The following SDAD1 variants were observed in gnomAD, a reference collection of about 807,000 sequenced individuals.
SDAD1 encodes SDA1 domain containing 1.
A neutral mutation model predicts 100.3 loss-of-function variants in SDAD1; 79 were observed. That is an observed-to-expected ratio of 0.79 (90% confidence interval 0.66 to 0.95). The LOEUF (loss-of-function observed/expected upper bound fraction) is 0.95. SDAD1 is among the 40% of genes least tolerant of loss of function. SDAD1 has a pLI of 0.00. For missense variants in SDAD1, 790 were observed against 810.9 expected (o/e 0.97, Z 0.31); for synonymous variants, 267 against 271.4 (o/e 0.98, Z 0.16).
In SDAD1 at chr4:75,979,943, G is replaced by A. The variant is rs928306769; in HGVS notation, c.294+1429C>T. Reference sequence around the variant, plus strand: ...CTCAGCCTCAAACTCCTGACCTCAAGCAATCCTCCTGCCTCAGCCTCCCAA... The same window carrying A: ...CTCAGCCTCAAACTCCTGACCTCAAACAATCCTCCTGCCTCAGCCTCCCAA... On this transcript the variant is annotated intron_variant, in intron 3 of 21. Coordinates refer to ENST00000356260, the MANE Select transcript of SDAD1 (RefSeq NM_018115.4). 2.0e-5 allele frequency among the ~76,000 whole-genome samples: 3 copies of A among 152,094 alleles called. No homozygotes were observed. The East Asian group carries it at 5.8e-4, about 29-fold the overall frequency.
intron 18 of SDAD1, 39 bp from the exon 19 acceptor site, chr4:75,957,747 A>G (rs751786256): frequency 9.3e-6 from 15 of 1,612,626 alleles, no homozygotes; most frequent in Non-Finnish European, 1.3e-5. Context: ...TACCAGCTCA[A>G]GTGAGAGCTC....
intron 20 of SDAD1, 22 bp from the exon 21 acceptor site, chr4:75,956,158 T>C: frequency 6.3e-7 from 1 of 1,584,606 alleles, no homozygotes; most frequent in African/African-American, 1.4e-5. Flanking sequence ...AAAAGTTTGA[T>C]ATTTCTTCTT....
chr4:75,957,265 G>T, intron 20 of SDAD1, 60 bp downstream of exon 20: 2 of 1,423,088 alleles, frequency 1.4e-6, no homozygotes, highest in Non-Finnish European at 2.0e-6. Context: ...ACAAGTTCTG[G>T]CTTATGTTTC....
chr4:75,952,930 CTTT>C (rs1244051820), intron 21 of SDAD1, among the ~76,000 whole-genome samples: 2 of 152,102 alleles, frequency 1.3e-5, no homozygotes, highest in Non-Finnish European at 2.9e-5. Context: ...ACAATTTCCT[CTTT>C]TTTTACTTGT....
chr4:75,964,166 C>T lies in SDAD1; in HGVS notation c.1150G>A (p.Asp384Asn), dbSNP rs747449985. The T allele has an allele frequency of 1.7e-5, 27 of 1,608,714 alleles. No homozygotes were observed. In the African/African-American group the frequency reaches 2.1e-4, roughly 13 times the overall value. ...GTCATGACTTCTCCAGAGTTCTTGT[C>T]GGTAACAAAATTGTTTGCCACAGTC... ...LMTVANNFVTDKNSGEVMTVG... is the reference protein window; with the variant it reads ...LMTVANNFVTNKNSGEVMTVG... Residue 384 changes from aspartate to asparagine, a missense_variant, in exon 14 of 22, where the codon GAC becomes AAC. Physicochemically the swap from Asp to Asn is conservative, Grantham distance 23 (BLOSUM62 1). Transcript: ENST00000356260.
chr4:75,959,097 CAAAAAA>C (rs61245198), intron 17 of SDAD1, among the ~76,000 whole-genome samples: 19 of 54,986 alleles, frequency 3.5e-4, no homozygotes, highest in African/African-American at 4.1e-4. Flanking sequence ...GACTCTGTCT[CAAAAAA>C]AAAAAAAAAA....
chr4:75,967,155 C>T, intron 12 of SDAD1, 122 bp downstream of exon 12: 1 of 848,046 alleles, frequency 1.2e-6, no homozygotes, highest in Non-Finnish European at 1.9e-6. Context: ...ACAAGGGCTT[C>T]TCTTCACATC....
At chr4:75,973,478 T>C in intron 7 of SDAD1, 87 bp from the exon 8 acceptor site, 2 of 892,982 alleles carry the variant, frequency 2.2e-6, no homozygotes, top group Non-Finnish European at 3.6e-6. Context: ...TACATGTGCA[T>C]GAACTAAGAT....
chr4:75,950,921 T>C, intron 21 of SDAD1, 124 bp from the exon 22 acceptor site: 1 of 574,362 alleles, frequency 1.7e-6, no homozygotes. Flanking sequence ...AAACTATAAA[T>C]GATAAAATAT....
intron 4 of SDAD1, among the ~76,000 whole-genome samples, chr4:75,976,920 A>C (rs899840103): frequency 6.6e-6 from 1 of 152,164 alleles, no homozygotes; most frequent in African/African-American, 2.4e-5. Flanking sequence ...TTTGAAAAAA[A>C]TTTTAAATTA....
At position 75,950,511 on chromosome 4, in the gene SDAD1, C is replaced by CTT. The variant is rs1023481831; in HGVS notation, c.*237_*238dup. The CTT allele has an allele frequency of 2.3e-6, 1 of 441,426 alleles. No homozygotes were observed. The highest frequency in any genetic ancestry group is 3.5e-5 in the Admixed American group (1 of 28,748). 27.3% of individuals were successfully genotyped at this position (441,426 alleles called of 1,614,324 possible). On this transcript the variant is annotated 3_prime_UTR_variant, in exon 22 of 22. Coordinates refer to ENST00000356260, the MANE Select transcript of SDAD1 (RefSeq NM_018115.4). ...ACAATGAATAGGCACTCAATACATACTTTTTTTTGCATGAATGATAAATGA... is the reference window on the plus strand; with the variant it reads ...ACAATGAATAGGCACTCAATACATACTTTTTTTTTTGCATGAATGATAAATGA...
At chr4:75,966,850 ACCTTCGCCTCCT>A (rs1260180074) in intron 12 of SDAD1, among the ~76,000 whole-genome samples, 2 of 152,096 alleles carry the variant, frequency 1.3e-5, no homozygotes, top group African/African-American at 4.8e-5. Context: ...GCTCACAGCA[ACCTTCGCCTCCT>A]GGGTTCAAGC....
chr4:75,985,821 T>C (rs4859581), intron 1 of SDAD1, among the ~76,000 whole-genome samples: 101,726 of 151,924 alleles, frequency 0.67, 34,904 homozygotes, highest in East Asian at 0.93. Context: ...ACCACATCTC[T>C]TATTTTCCAA....
At chr4:75,958,557 T>C (rs1017846961) in intron 17 of SDAD1, among the ~76,000 whole-genome samples, 41 of 152,182 alleles carry the variant, frequency 2.7e-4, no homozygotes, top group Non-Finnish European at 7.4e-5. Flanking sequence ...TGACTCCCTA[T>C]GATCTTTAAG....
chr4:75,981,292 G>GGAA, intron 3 of SDAD1, 80 bp downstream of exon 3: 1 of 1,278,678 alleles, frequency 7.8e-7, no homozygotes, highest in Non-Finnish European at 1.1e-6. Context: ...AATTAGCTTA[G>GGAA]AGGCTGTTCT....
intron 13 of SDAD1, 123 bp downstream of exon 13, chr4:75,965,641 A>T (rs1312462207): frequency 6.4e-6 from 5 of 784,492 alleles, no homozygotes; most frequent in Non-Finnish European, 1.1e-5. Context: ...ACCATCTGAC[A>T]AGAAATAGAA....
chr4:75,957,723 A>C lies in SDAD1; in HGVS notation c.1579-15T>G. The C allele has an allele frequency of 6.2e-7, 1 of 1,614,058 alleles. No individual in the cohort carries two copies. The highest frequency in any genetic ancestry group is 8.5e-7 in the Non-Finnish European group (1 of 1,179,908). On this transcript the variant is annotated splice_polypyrimidine_tract_variant and intron_variant, in intron 18 of 21. Transcript: ENST00000356260. The stretch of plus-strand genomic sequence containing the variant: ...AGCTTCTTGGACTTGAAACCACACA[A>C]GGGCTTAAATGGCTACCAGCTCAAG...
At chr4:75,969,507 A>G (rs1305389920) in intron 10 of SDAD1, 108 bp from the exon 11 acceptor site, 4 of 681,864 alleles carry the variant, frequency 5.9e-6, no homozygotes, top group Non-Finnish European at 1.0e-5. Context: ...TAGACTGACA[A>G]ACAGGTGAAT....
chr4:75,953,587 A>C (rs1412765543), intron 21 of SDAD1, among the ~76,000 whole-genome samples: 1 of 152,244 alleles, frequency 6.6e-6, no homozygotes, highest in East Asian at 1.9e-4. Flanking sequence ...GATGTTGTTG[A>C]ACACAGTTTA....
Sources: allele counts gnomAD v4.1 joint callset (sites outside exome capture counted in the v4.1 genomes callset), GRCh38; gene constraint gnomAD v4.1.1; transcripts MANE v1.5; gene names NCBI Gene and HGNC (gene_info 2026-07-23, HGNC 2026-07-21).